Variants in FARSB observed in about 807,000 individuals in gnomAD.
FARSB encodes phenylalanine--tRNA ligase beta subunit.
A neutral mutation model predicts 69.6 loss-of-function variants in FARSB; 40 were observed. The observed-to-expected ratio is 0.57, with a 90% CI of 0.45 to 0.75. The LOEUF (loss-of-function observed/expected upper bound fraction) is 0.75, where lower values mean the gene tolerates loss of function less well. FARSB is among the 30% of genes least tolerant of loss of function. The probability of loss-of-function intolerance (pLI) is 0.00; values close to 1 mark genes in which losing one functional copy is unlikely to be tolerated. For missense variants in FARSB, 632 were observed against 722.9 expected (o/e 0.87, Z 1.44); for synonymous variants, 235 against 247.2 (o/e 0.95, Z 0.46).
At chr2:222,630,741 A>C (rs1339636805) in intron 8 of FARSB, among the ~76,000 whole-genome samples, 1 of 152,196 alleles carries the variant, frequency 6.6e-6, no homozygotes, top group Non-Finnish European at 1.5e-5. Flanking sequence ...TCTTATATAA[A>C]TATTTCACTC....
chr2:222,647,888 C>T (rs1411940370), intron 2 of FARSB, among the ~76,000 whole-genome samples: 2 of 152,206 alleles, frequency 1.3e-5, no homozygotes, highest in East Asian at 1.9e-4. Context: ...AACCTCGTCT[C>T]TCCTTGCATT....
At chr2:222,572,081 A>G (rs1689731924) in intron 16 of FARSB, 59 bp from the exon 17 acceptor site, 1 of 1,474,396 alleles carries the variant, frequency 6.8e-7, no homozygotes, top group East Asian at 2.3e-5. Flanking sequence ...ATCAATAGAC[A>G]TTTAACACTA....
chr2:222,611,795 TAAAATACTGCC>T (rs897745313), intron 15 of FARSB, among the ~76,000 whole-genome samples: 10 of 152,118 alleles, frequency 6.6e-5, no homozygotes, highest in African/African-American at 2.4e-4. Context: ...TACCCAGGAC[TAAAATACTGCC>T]AAGTGCCCCA....
intron 1 of FARSB, among the ~76,000 whole-genome samples, chr2:222,652,223 T>G (rs1392941947): frequency 1.3e-5 from 2 of 152,198 alleles, no homozygotes; most frequent in Non-Finnish European, 2.9e-5. Context: ...GATGAGATTC[T>G]AGATTCTGAG....
At chr2:222,629,987 C>T (rs919566500) in intron 9 of FARSB, 126 bp downstream of exon 9, 21 of 625,502 alleles carry the variant, frequency 3.4e-5, no homozygotes, top group Admixed American at 2.2e-4. Flanking sequence ...GCAATCCTCC[C>T]GCCTCAGCCT....
Position 222,571,720 on chromosome 2 carries a change from A to T in FARSB, c.*151T>A. 3 of 642,898 alleles carry T rather than the reference A, an allele frequency of 4.7e-6. No homozygotes were observed. Among genetic ancestry groups the T allele is most frequent in the Non-Finnish European group, 7.9e-6 (3 of 378,172 alleles). 39.8% of individuals were successfully genotyped at this position (642,898 alleles called of 1,614,324 possible). The stretch of plus-strand genomic sequence containing the variant: ...ACAAGCTGGCCTAATATGCAGGGAA[A>T]GGATGGTCTCTACCCACACAGCCAG... On this transcript the variant is annotated 3_prime_UTR_variant, in exon 17 of 17. Coordinates refer to ENST00000281828, the MANE Select transcript of FARSB (RefSeq NM_005687.5).
chr2:222,628,786 T>C (rs1691340673), intron 10 of FARSB, 51 bp downstream of exon 10: 1 of 1,249,640 alleles, frequency 8.0e-7, no homozygotes, highest in Non-Finnish European at 1.2e-6. Context: ...TCTATAGCCA[T>C]TATTATTAGC....
At chr2:222,574,522 G>A (rs74518339) in intron 16 of FARSB, among the ~76,000 whole-genome samples, 2 of 152,222 alleles carry the variant, frequency 1.3e-5, no homozygotes, top group Non-Finnish European at 2.9e-5. Context: ...AGCACATACA[G>A]GAGCCTGCTG....
chr2:222,623,967 C>T (rs1308009988), intron 12 of FARSB, among the ~76,000 whole-genome samples: 2 of 152,166 alleles, frequency 1.3e-5, no homozygotes, highest in Non-Finnish European at 2.9e-5. Flanking sequence ...ACCACCCCCA[C>T]TTCCATCTCT....
At chr2:222,576,198 CTCAA>C (rs2106175504) in intron 16 of FARSB, among the ~76,000 whole-genome samples, 1 of 152,122 alleles carries the variant, frequency 6.6e-6, no homozygotes, top group South Asian at 2.1e-4. Flanking sequence ...CTATATTCGA[CTCAA>C]TCATTTGGTA....
chr2:222,612,444 G>T (rs1690881195), intron 15 of FARSB, among the ~76,000 whole-genome samples: 1 of 152,224 alleles, frequency 6.6e-6, no homozygotes, highest in South Asian at 2.1e-4. Flanking sequence ...GTTTGCCATG[G>T]ACAGTAGTAG....
chr2:222,622,451 G>C (rs1263019605), intron 13 of FARSB, among the ~76,000 whole-genome samples: 1 of 152,116 alleles, frequency 6.6e-6, no homozygotes, highest in African/African-American at 2.4e-5. Flanking sequence ...GAACTGTTAT[G>C]GTTTAATCTA....
intron 9 of FARSB, among the ~76,000 whole-genome samples, chr2:222,629,727 T>C (rs551538081): frequency 6.6e-6 from 1 of 152,340 alleles, no homozygotes; most frequent in South Asian, 2.1e-4. Context: ...ACATTTTTAA[T>C]CTTTATATTT....
intron 4 of FARSB, among the ~76,000 whole-genome samples, chr2:222,640,199 G>A (rs956380726): frequency 6.6e-6 from 1 of 152,152 alleles, no homozygotes; most frequent in South Asian, 2.1e-4. Flanking sequence ...TTTTAGAAGG[G>A]TAAGCTTTGG....
chr2:222,572,564 A>G (rs971324522), intron 16 of FARSB, among the ~76,000 whole-genome samples: 3 of 152,110 alleles, frequency 2.0e-5, no homozygotes, highest in Non-Finnish European at 4.4e-5. Context: ...CTACTGGGGG[A>G]ACCACACCTC....
chr2:222,598,440 C>T (rs916857733), intron 16 of FARSB, among the ~76,000 whole-genome samples: 3 of 152,236 alleles, frequency 2.0e-5, no homozygotes, highest in Non-Finnish European at 4.4e-5. Flanking sequence ...GCTATGCTCT[C>T]ATTTACCATT....
intron 13 of FARSB, among the ~76,000 whole-genome samples, chr2:222,620,725 G>A (rs959966539): frequency 6.6e-6 from 1 of 152,268 alleles, no homozygotes; most frequent in South Asian, 2.1e-4. Context: ...CACAAAAACT[G>A]ATGTACCATC....
intron 3 of FARSB, among the ~76,000 whole-genome samples, chr2:222,642,037 G>A (rs577333483): frequency 1.4e-5 from 2 of 145,492 alleles, no homozygotes; most frequent in Non-Finnish European, 3.0e-5. Flanking sequence ...GTCTCCCTCT[G>A]CTGCCCAGGC....
At chr2:222,654,794 A>G (rs1692128072) in intron 1 of FARSB, among the ~76,000 whole-genome samples, 1 of 152,210 alleles carries the variant, frequency 6.6e-6, no homozygotes, top group Admixed American at 6.5e-5. Context: ...TTATTCTGGG[A>G]AGCGGTGGCT....
Sources: gnomAD v4.1 joint callset for allele counts (sites outside exome capture counted in the v4.1 genomes callset) on GRCh38, gnomAD v4.1.1 for gene constraint, MANE v1.5 for transcripts, NCBI Gene and HGNC (gene_info 2026-07-23, HGNC 2026-07-21) for gene names.